The following ASXL3 variants were observed in gnomAD, a reference collection of about 807,000 sequenced individuals.
The protein encoded by ASXL3 is ASXL transcriptional regulator 3.
ASXL3 carries 34 observed loss-of-function variants against 170.6 expected under a neutral mutation model. The observed-to-expected ratio is 0.20, with a 90% confidence interval of 0.15 to 0.27. The LOEUF is 0.27. Ranked by LOEUF, ASXL3 falls within the 10% of genes least tolerant of loss-of-function variation. The pLI, the probability that ASXL3 is intolerant of heterozygous loss-of-function variation, is 1.00. For missense variants in ASXL3, 2,592 were observed against 2,695.3 expected, an observed-to-expected ratio of 0.96 and a Z score of 0.85; for synonymous variants, 1,002 against 989.1, an observed-to-expected ratio of 1.01 and a Z score of -0.24.
chr18:33,661,756 A>G lies in ASXL3; in HGVS notation c.477+19A>G. On this transcript the variant is annotated intron_variant, in intron 5 of 11. Transcript: ENST00000269197. ...TAAACAGGTAAGATAGCTGCCATTT[A>G]TTCTTTGTCCTTCAGTTCTGCATAC... 2 of 1,609,258 alleles carry G rather than the reference A, an allele frequency of 1.2e-6. No individual in the cohort carries two copies. The highest frequency in any genetic ancestry group is 1.7e-6 in the Non-Finnish European group (2 of 1,178,030).
chr18:33,702,928 A>G (rs111500101), intron 8 of ASXL3, among the ~76,000 whole-genome samples: 47 of 152,288 alleles, frequency 3.1e-4, no homozygotes, highest in African/African-American at 8.4e-4. Context: ...CCTTAGGTCC[A>G]TTAATTGCTG....
chr18:33,712,114 C>G (rs1401613164), intron 8 of ASXL3, among the ~76,000 whole-genome samples: 1 of 151,986 alleles, frequency 6.6e-6, no homozygotes, highest in African/African-American at 2.4e-5. Flanking sequence ...TGTTGATGCT[C>G]CAGTTGCTAT....
intron 7 of ASXL3, among the ~76,000 whole-genome samples, chr18:33,679,153 C>G (rs1322240441): frequency 1.3e-5 from 2 of 152,102 alleles, no homozygotes. Context: ...GACCTCAACT[C>G]TGTTACATGA....
intron 5 of ASXL3, among the ~76,000 whole-genome samples, chr18:33,664,308 G>A (rs1009459305): frequency 6.6e-6 from 1 of 152,142 alleles, no homozygotes; most frequent in Non-Finnish European, 1.5e-5. Context: ...CTTTCAGCAT[G>A]TGCTATGTAA....
intron 7 of ASXL3, among the ~76,000 whole-genome samples, chr18:33,677,105 A>T (rs2066442327): frequency 6.6e-6 from 1 of 152,172 alleles, no homozygotes; most frequent in African/African-American, 2.4e-5. Context: ...GATGTCTCCG[A>T]GGGGGTTTTA....
At chr18:33,651,204 A>G (rs1216856722) in intron 4 of ASXL3, among the ~76,000 whole-genome samples, 1 of 152,144 alleles carries the variant, frequency 6.6e-6, no homozygotes, top group Admixed American at 6.6e-5. Context: ...TCCCAATAAA[A>G]TAGTGGGATA....
intron 2 of ASXL3, among the ~76,000 whole-genome samples, chr18:33,634,563 A>G (rs1307379737): frequency 6.6e-6 from 1 of 152,094 alleles, no homozygotes; most frequent in Non-Finnish European, 1.5e-5. Context: ...TTGTGAAAGT[A>G]TGTGTTTTTC....
intron 7 of ASXL3, among the ~76,000 whole-genome samples, chr18:33,679,056 AAC>A (rs1161532976): frequency 1.3e-5 from 2 of 150,980 alleles, no homozygotes; most frequent in African/African-American, 4.8e-5. Context: ...CATTGCTCAT[AAC>A]ATGTTTCGGA....
intron 2 of ASXL3, among the ~76,000 whole-genome samples, chr18:33,633,575 G>T (rs73422847): frequency 0.02 from 3,092 of 152,154 alleles, 108 homozygotes; most frequent in African/African-American, 0.07. Flanking sequence ...ATGGCGCGGT[G>T]GCTCATGCCT....
chr18:33,589,598 G>C (rs1339368485), intron 1 of ASXL3, among the ~76,000 whole-genome samples: 1 of 152,078 alleles, frequency 6.6e-6, no homozygotes, highest in African/African-American at 2.4e-5. Flanking sequence ...CTATTGTCTA[G>C]TACATTGATT....
intron 2 of ASXL3, among the ~76,000 whole-genome samples, chr18:33,628,762 G>C (rs1309049291): frequency 2.6e-5 from 4 of 152,056 alleles, no homozygotes; most frequent in Non-Finnish European, 4.4e-5. Context: ...TTTCTATGTG[G>C]AACGTTGGCT....
intron 8 of ASXL3, among the ~76,000 whole-genome samples, chr18:33,723,338 G>A (rs975633731): frequency 2.0e-5 from 3 of 152,114 alleles, no homozygotes; most frequent in South Asian, 2.1e-4. Flanking sequence ...TTTGTGATTC[G>A]TGGGAGGAGG....
At chr18:33,713,609 A>G (rs1489876551) in intron 8 of ASXL3, among the ~76,000 whole-genome samples, 2 of 152,116 alleles carry the variant, frequency 1.3e-5, no homozygotes, top group African/African-American at 4.8e-5. Context: ...TGTAAAAGGA[A>G]ATGTTTAATA....
intron 2 of ASXL3, among the ~76,000 whole-genome samples, chr18:33,624,181 C>G (rs544496651): frequency 1.3e-5 from 2 of 152,066 alleles, no homozygotes; most frequent in South Asian, 4.1e-4. Flanking sequence ...AAAAGAAAAA[C>G]TAATTTTGGG....
chr18:33,739,488 T>C lies in ASXL3; in HGVS notation c.2084T>C (p.Met695Thr), dbSNP rs1438463632. ...CCTGAAATATCAGAAGCATCTCTTA[T>C]GTCCAACTTACCATTAACATCTGAA... ...TSPEISEASL[M>T]SNLPLTSEAS... The change falls in exon 11 of 12, where the codon ATG becomes ACG. Residue 695 changes from methionine (M) to threonine (T), a missense_variant. By Grantham distance (81) the Met-to-Thr change is moderately conservative. Transcript: ENST00000269197. 1.9e-6 allele frequency: 3 copies of C among 1,613,998 alleles called. No homozygotes were observed. The highest frequency in any genetic ancestry group is 2.5e-6 in the Non-Finnish European group (3 of 1,179,872).
chr18:33,689,729 T>A (rs2066657498), intron 8 of ASXL3, among the ~76,000 whole-genome samples: 1 of 152,210 alleles, frequency 6.6e-6, no homozygotes, highest in Non-Finnish European at 1.5e-5. Flanking sequence ...TGTATTAAAG[T>A]GTATTTGTCA....
At chr18:33,712,690 C>T (rs1475581319) in intron 8 of ASXL3, among the ~76,000 whole-genome samples, 1 of 152,090 alleles carries the variant, frequency 6.6e-6, no homozygotes, top group African/African-American at 2.4e-5. Context: ...AAACTTTCTG[C>T]AGTATTTTGC....
At chr18:33,667,707 C>T (rs2066280465) in intron 5 of ASXL3, among the ~76,000 whole-genome samples, 1 of 152,106 alleles carries the variant, frequency 6.6e-6, no homozygotes. Context: ...GTTCTCCCCG[C>T]CCAAGTTACC....
intron 5 of ASXL3, among the ~76,000 whole-genome samples, chr18:33,664,917 A>G (rs2066234041): frequency 1.3e-5 from 2 of 152,212 alleles, no homozygotes; most frequent in Admixed American, 6.5e-5. Flanking sequence ...GTTGGGCATA[A>G]TTGCATGAAT....
Sources: gnomAD v4.1 joint callset for allele counts (sites outside exome capture counted in the v4.1 genomes callset) on GRCh38, gnomAD v4.1.1 for gene constraint, MANE v1.5 for transcripts, NCBI Gene and HGNC (gene_info 2026-07-23, HGNC 2026-07-21) for gene names.